Variants in AXIN2 observed in about 807,000 individuals in gnomAD.
AXIN2 encodes the protein axin-2.
In AXIN2, 21 loss-of-function variants were observed where a neutral mutation model predicts 74.7. The observed-to-expected ratio is 0.28, with a 90% CI of 0.20 to 0.40. The LOEUF (loss-of-function observed/expected upper bound fraction) is 0.40. AXIN2 is among the 10% of genes least tolerant of loss of function. The pLI is 1.00. For synonymous variants in AXIN2, 532 were observed against 454.9 expected (o/e 1.17, Z -2.16); for missense variants, 1,144 against 1,111.1 (o/e 1.03, Z -0.42).
chr17:65,557,676 GGT>G lies in AXIN2; in HGVS notation c.815+128_815+129del. On this transcript the variant is annotated intron_variant, in intron 2 of 10. Transcript: ENST00000307078. ...AACAACAAAAAGCAAGATCAAAAAG[GGT>G]TCATGGCCAGCAGTCCTAACTCAAC... The G allele has an allele frequency of 2.2e-6, 2 of 907,470 alleles. 1 individual carries two copies. Among genetic ancestry groups the G allele is most frequent in the Non-Finnish European group, 3.4e-6 (2 of 591,584 alleles). 56.2% of individuals were successfully genotyped at this position (907,470 alleles called of 1,614,324 possible). A position where few individuals can be genotyped will look rare whatever the true frequency, so the allele number is the denominator to read the frequency against.
rs11867417 is a variant in AXIN2 at position 65,541,780 on chromosome 17, T to C, written c.957-223A>G. On this transcript the variant is annotated intron_variant, in intron 3 of 10. Transcript: ENST00000307078. ...AATCATCTATGGAAACTTGGCTTCC[T>C]TGGATGCAGAAGCATCAACTTGGAA... 0.57 allele frequency among the ~76,000 whole-genome samples: 86,077 copies of C among 152,140 alleles called. 26,351 individuals are homozygous for C. The highest frequency in any genetic ancestry group is 0.69 in the Non-Finnish European group (47,013 of 67,974).
chr17:65,546,313 C>T (rs778616749), intron 3 of AXIN2, among the ~76,000 whole-genome samples: 27 of 152,188 alleles, frequency 1.8e-4, no homozygotes, highest in Admixed American at 2.0e-4. Context: ...CTTTATTTCT[C>T]GCCCGGCGCT....
intron 5 of AXIN2, 143 bp downstream of exon 5, chr17:65,538,056 CCAGG>C (rs1438936070): frequency 1.4e-6 from 2 of 1,461,426 alleles, no homozygotes; most frequent in Non-Finnish European, 1.9e-6. Flanking sequence ...CAGCCCACGC[CCAGG>C]CACACACCCA....
At chr17:65,539,331 G>A (rs558936360) in intron 4 of AXIN2, among the ~76,000 whole-genome samples, 2 of 152,094 alleles carry the variant, frequency 1.3e-5, no homozygotes, top group Non-Finnish European at 2.9e-5. Context: ...GCCTTGCCAC[G>A]GCAACCACTT....
chr17:65,560,810 G>C (rs986713785), intron 1 of AXIN2: 2 of 149,822 alleles, frequency 1.3e-5, no homozygotes, highest in Non-Finnish European at 3.0e-5. Context: ...CGGCCGCCTC[G>C]GCCTCGGCAC....
chr17:65,554,050 G>C (rs532997980), intron 2 of AXIN2, among the ~76,000 whole-genome samples: 2 of 151,716 alleles, frequency 1.3e-5, no homozygotes, highest in East Asian at 3.8e-4. Flanking sequence ...CAGCCTGCAG[G>C]TGGCAGAGAC....
intron 3 of AXIN2, among the ~76,000 whole-genome samples, chr17:65,547,614 A>G (rs2044135207): frequency 6.6e-6 from 1 of 152,228 alleles, no homozygotes; most frequent in South Asian, 2.1e-4. Flanking sequence ...GAAGCAAGCC[A>G]AAAATAGTCT....
chr17:65,553,311 T>G (rs562826674), intron 2 of AXIN2, among the ~76,000 whole-genome samples: 1 of 152,188 alleles, frequency 6.6e-6, no homozygotes, highest in Non-Finnish European at 1.5e-5. Context: ...GGAAAAGTTT[T>G]TTAGTTTAAC....
Position 65,549,710 on chromosome 17 carries a change from C to T in AXIN2, c.816-50G>A, listed in dbSNP as rs905681184. 5 of 1,564,590 alleles carry T rather than the reference C, an allele frequency of 3.2e-6. No individual in the cohort carries two copies. In the African/African-American group the frequency reaches 6.8e-5, roughly 21 times the overall value. ...TCAGTCACTGACCCTCACCAGAAAC[C>T]CAGGTAATCAGGTGACCCCAGGACA... On this transcript the variant is annotated intron_variant, in intron 2 of 10. Transcript: ENST00000307078.
chr17:65,532,447 G>A (rs2043838639), intron 10 of AXIN2, among the ~76,000 whole-genome samples: 1 of 152,186 alleles, frequency 6.6e-6, no homozygotes, highest in Non-Finnish European at 1.5e-5. Context: ...AGCCAGGCCT[G>A]TTCCCCCACC....
chr17:65,536,472 C>G lies in AXIN2; in HGVS notation c.1989G>C (p.Trp663Cys), dbSNP rs730882193. Reference sequence around the variant, plus strand: ...TGCGGGGGTGCCCGCTGTTGCCCCCCCACAGATGGTGCCGGCTGGCTCGTT... The same window carrying G: ...TGCGGGGGTGCCCGCTGTTGCCCCCGCACAGATGGTGCCGGCTGGCTCGTT... ...PGERASRHHL[W>C]GGNSGHPRTT... The change falls in exon 8 of 11, where the codon TGG (tryptophan) becomes TGC (cysteine). Residue 663 changes from tryptophan (W) to cysteine (C), a missense_variant. Physicochemically the swap from Trp to Cys is radical, Grantham distance 215 (BLOSUM62 -2). Around this residue, in one of 4 missense-constraint regions of AXIN2, gnomAD observed 1,053 missense variants for 973.5 expected, o/e 1.08. Transcript: ENST00000307078. 1 of 1,613,934 alleles carries G rather than the reference C, an allele frequency of 6.2e-7. No homozygotes were observed. Among genetic ancestry groups the G allele is most frequent in the Non-Finnish European group, 8.5e-7 (1 of 1,180,012 alleles).
rs2044315821 is a variant in AXIN2 at position 65,558,723 on chromosome 17, T to C, written c.-103A>G. 1.7e-6 allele frequency: 2 copies of C among 1,170,122 alleles called. No homozygotes were observed. The highest frequency in any genetic ancestry group is 2.5e-6 in the Non-Finnish European group (2 of 814,364). The allele number at this position is 1,170,122 out of a possible 1,614,324, so 72.5% of individuals were successfully genotyped here. A position where few individuals can be genotyped will look rare whatever the true frequency, so the allele number is the denominator to read the frequency against. On this transcript the variant is annotated 5_prime_UTR_variant, in exon 2 of 11. The change abolishes an upstream ATG in the 5' untranslated region. Transcript: ENST00000307078. ...TCTCTCTCAAGTCAGCAGGGGCTCA[T>C]CTGAACCTCCTCTCTGGAAAGAAAA...
chr17:65,536,609 C>G, intron 7 of AXIN2, 56 bp from the exon 8 acceptor site: 1 of 1,588,614 alleles, frequency 6.3e-7, no homozygotes, highest in South Asian at 1.1e-5. Context: ...GTTAGAAGAA[C>G]TGGAAAATGT....
intron 1 of AXIN2, chr17:65,561,041 C>T (rs1163635418): frequency 6.7e-6 from 1 of 149,098 alleles, no homozygotes; most frequent in Non-Finnish European, 1.5e-5. Flanking sequence ...GGGGGAACGG[C>T]GCGCCCCGCC....
chr17:65,541,092 G>T (rs1391034516), intron 4 of AXIN2, among the ~76,000 whole-genome samples: 2 of 151,966 alleles, frequency 1.3e-5, no homozygotes, highest in Non-Finnish European at 2.9e-5. Flanking sequence ...GGCCAGGCTG[G>T]GTCTCGAACT....
In AXIN2 at chr17:65,558,099, C is replaced by A. The variant is rs780914406; in HGVS notation, c.522G>T (p.Ala174=). 16 of 1,613,984 alleles carry A rather than the reference C, an allele frequency of 9.9e-6. No homozygotes were observed. The Admixed American group carries it at 2.7e-4, about 27-fold the overall frequency. ...QQIDSIMFDQ[A]QTEIQSVMEE... is the part of the protein sequence containing the mutation. The stretch of plus-strand genomic sequence containing the variant: ...CCATCACCGACTGGATCTCGGTCTG[C>A]GCCTGGTCAAACATGATGGAATCAA... Residue 174 remains alanine, a synonymous_variant, in exon 2 of 11, where the codon GCG becomes GCT. Coordinates refer to ENST00000307078, the MANE Select transcript of AXIN2 (RefSeq NM_004655.4).
In AXIN2 at chr17:65,536,617, T is replaced by G. The variant is rs577722454; in HGVS notation, c.1908-64A>C. On this transcript the variant is annotated intron_variant, in intron 7 of 10. Coordinates refer to ENST00000307078, the MANE Select transcript of AXIN2 (RefSeq NM_004655.4). The stretch of plus-strand genomic sequence containing the variant: ...AAACTGGGTTAGAAGAACTGGAAAA[T>G]GTGACTTCAATAGAAACTTGTCTAT... The G allele has an allele frequency of 1.3e-4, 200 of 1,572,914 alleles. 6 individuals are homozygous for G. In the South Asian group the frequency reaches 2.2e-3, roughly 17 times the overall value.
intron 9 of AXIN2, 63 bp from the exon 10 acceptor site, chr17:65,534,142 C>A (rs2043869980): frequency 1.3e-6 from 2 of 1,582,136 alleles, no homozygotes; most frequent in African/African-American, 2.7e-5. Flanking sequence ...CTAAAGCAAA[C>A]ACACACGTGC....
At chr17:65,543,841 T>C (rs1251523926) in intron 3 of AXIN2, among the ~76,000 whole-genome samples, 4 of 152,196 alleles carry the variant, frequency 2.6e-5, no homozygotes, top group Admixed American at 2.6e-4. Flanking sequence ...AACCACCTAG[T>C]ACTCACTAGC....
Sources: allele counts gnomAD v4.1 joint callset (sites outside exome capture counted in the v4.1 genomes callset), GRCh38; gene constraint gnomAD v4.1.1; regional missense constraint gnomAD v4.1.1; transcripts MANE v1.5; gene names NCBI Gene and HGNC (gene_info 2026-07-23, HGNC 2026-07-21).